Variants in KCNJ3 observed in about 807,000 individuals in gnomAD.
KCNJ3 encodes G protein-activated inward rectifier potassium channel 1.
A neutral mutation model predicts 39.2 loss-of-function variants in KCNJ3; 4 were observed. That is an observed-to-expected ratio of 0.10 (90% confidence interval 0.05 to 0.23). The LOEUF is 0.23. KCNJ3 is among the 10% of genes least tolerant of loss of function. KCNJ3 has a pLI of 1.00. For synonymous variants in KCNJ3, 230 were observed against 237.4 expected, an observed-to-expected ratio of 0.97 and a Z score of 0.29; for missense variants, 276 against 634.9, an observed-to-expected ratio of 0.43 and a Z score of 6.08.
chr2:154,825,564 A>AT (rs1687256985), intron 2 of KCNJ3, among the ~76,000 whole-genome samples: 1 of 147,730 alleles, frequency 6.8e-6, no homozygotes, highest in African/African-American at 2.5e-5. Context: ...TTATTTATTT[A>AT]TTTATTTATT....
intron 2 of KCNJ3, among the ~76,000 whole-genome samples, chr2:154,763,726 C>G (rs1437881825): frequency 6.6e-6 from 1 of 152,180 alleles, no homozygotes; most frequent in African/African-American, 2.4e-5. Flanking sequence ...CAAACCCCAG[C>G]TGTACCTTCT....
intron 2 of KCNJ3, among the ~76,000 whole-genome samples, chr2:154,790,814 G>A (rs1234011978): frequency 1.3e-5 from 2 of 152,008 alleles, no homozygotes; most frequent in African/African-American, 4.8e-5. Context: ...AGCAGGAATT[G>A]CGTGGGAGTC....
chr2:154,722,927 T>G (rs1348966408), intron 2 of KCNJ3, among the ~76,000 whole-genome samples: 1 of 152,172 alleles, frequency 6.6e-6, no homozygotes, highest in Non-Finnish European at 1.5e-5. Flanking sequence ...AGTTTCATGC[T>G]TGAAGATGGA....
intron 2 of KCNJ3, among the ~76,000 whole-genome samples, chr2:154,784,950 G>A (rs966888042): frequency 1.3e-5 from 2 of 152,176 alleles, no homozygotes; most frequent in African/African-American, 2.4e-5. Flanking sequence ...AGCAGAGCCT[G>A]CAATATACTA....
chr2:154,708,606 C>T (rs1176451371), intron 1 of KCNJ3, among the ~76,000 whole-genome samples: 3 of 151,960 alleles, frequency 2.0e-5, no homozygotes, highest in African/African-American at 7.3e-5. Context: ...CTTATTTTAC[C>T]CCATAATTAC....
chr2:154,725,234 G>GT (rs35296161), intron 2 of KCNJ3, among the ~76,000 whole-genome samples: 40,222 of 141,442 alleles, frequency 0.28, 5,598 homozygotes, highest in South Asian at 0.31. Context: ...GTTATGTTCT[G>GT]TTTTTTTTTT....
At chr2:154,841,833 T>C (rs560261958) in intron 2 of KCNJ3, among the ~76,000 whole-genome samples, 1 of 152,254 alleles carries the variant, frequency 6.6e-6, no homozygotes, top group East Asian at 1.9e-4. Context: ...TCTTTTCTTC[T>C]TTATTAGTTT....
At chr2:154,714,043 C>T (rs1226956681) in intron 2 of KCNJ3, among the ~76,000 whole-genome samples, 1 of 152,162 alleles carries the variant, frequency 6.6e-6, no homozygotes, top group Non-Finnish European at 1.5e-5. Context: ...ATTCTTTTCT[C>T]ATAGTTAGCT....
At chr2:154,830,775 GGCT>G (rs59581290) in intron 2 of KCNJ3, among the ~76,000 whole-genome samples, 29,881 of 151,784 alleles carry the variant, frequency 0.2, 3,177 homozygotes, top group East Asian at 0.35. Context: ...TCATTCTACT[GGCT>G]GCTAAGACTG....
chr2:154,760,726 C>CTTTTTCTTCTTTTTTTTTTT lies in KCNJ3; in HGVS notation c.919+50912_919+50913insCTTCTTTTTTTTTTTTTTTT, dbSNP rs1558866943. Among the ~76,000 whole-genome samples the CTTTTTCTTCTTTTTTTTTTT allele has an allele frequency of 2.6e-5, 3 of 116,928 alleles. 1 individual carries two copies. Among genetic ancestry groups the CTTTTTCTTCTTTTTTTTTTT allele is most frequent in the Non-Finnish European group, 5.5e-5 (3 of 54,108 alleles). The allele number at this position is 116,928 out of a possible 152,430, so 76.7% of individuals were successfully genotyped here. A position where few individuals can be genotyped will look rare whatever the true frequency, so the allele number is the denominator to read the frequency against. On this transcript the variant is annotated intron_variant, in intron 2 of 2. Transcript: ENST00000295101. ...ATGCCAACACCCTGGCTATTTTTTT[C>CTTTTTCTTCTTTTTTTTTTT]TTTTTTTTCTTTTTTTTTTTTTTTT...
At chr2:154,786,898 A>C (rs2105207352) in intron 2 of KCNJ3, among the ~76,000 whole-genome samples, 1 of 152,352 alleles carries the variant, frequency 6.6e-6, no homozygotes, top group East Asian at 1.9e-4. Context: ...CCACTGGCAC[A>C]GGGAAAGCAG....
intron 2 of KCNJ3, among the ~76,000 whole-genome samples, chr2:154,808,420 C>T (rs1686953214): frequency 6.6e-6 from 1 of 152,068 alleles, no homozygotes. Flanking sequence ...AGGTGGATTA[C>T]ACTCTCCTAC....
At chr2:154,767,574 T>C (rs1686158386) in intron 2 of KCNJ3, among the ~76,000 whole-genome samples, 1 of 152,218 alleles carries the variant, frequency 6.6e-6, no homozygotes, top group Non-Finnish European at 1.5e-5. Context: ...ATTTTCTTAA[T>C]CCAGTCTATC....
chr2:154,712,695 C>T (rs770012001), intron 2 of KCNJ3, among the ~76,000 whole-genome samples: 7 of 151,922 alleles, frequency 4.6e-5, no homozygotes, highest in Non-Finnish European at 7.4e-5. Flanking sequence ...CATTGTGTTG[C>T]GGGGGGTGAG....
intron 2 of KCNJ3, among the ~76,000 whole-genome samples, chr2:154,784,387 T>C (rs954539795): frequency 6.6e-6 from 1 of 152,216 alleles, no homozygotes; most frequent in African/African-American, 2.4e-5. Context: ...ATTTGTTTGT[T>C]TGCTTTTTGA....
intron 2 of KCNJ3, among the ~76,000 whole-genome samples, chr2:154,759,816 T>C (rs1389176235): frequency 6.6e-6 from 1 of 152,214 alleles, no homozygotes; most frequent in Non-Finnish European, 1.5e-5. Context: ...AATAAAATTT[T>C]GTTCATGTAT....
chr2:154,843,757 G>A (rs889817096), intron 2 of KCNJ3, among the ~76,000 whole-genome samples: 2 of 152,162 alleles, frequency 1.3e-5, no homozygotes, highest in Admixed American at 6.5e-5. Context: ...CATGTGTCAC[G>A]AAGTTCTCAT....
chr2:154,712,413 C>T (rs1685114040), intron 2 of KCNJ3, among the ~76,000 whole-genome samples: 2 of 152,166 alleles, frequency 1.3e-5, no homozygotes, highest in African/African-American at 4.8e-5. Flanking sequence ...TTACTTCTTA[C>T]TATCTTGTGA....
At chr2:154,703,506 T>C (rs1684947555) in intron 1 of KCNJ3, among the ~76,000 whole-genome samples, 1 of 151,560 alleles carries the variant, frequency 6.6e-6, no homozygotes, top group Non-Finnish European at 1.5e-5. Flanking sequence ...TGTGTGTGTG[T>C]ATACATATCC....
Sources: allele counts gnomAD v4.1 joint callset (sites outside exome capture counted in the v4.1 genomes callset), GRCh38; gene constraint gnomAD v4.1.1; transcripts MANE v1.5; gene names NCBI Gene and HGNC (gene_info 2026-07-23, HGNC 2026-07-21).